Variants in COMMD9 observed in about 807,000 individuals in gnomAD.
COMMD9 encodes the protein COMM domain containing 9.
A neutral mutation model predicts 23.4 loss-of-function variants in COMMD9; 22 were observed. The observed-to-expected ratio is 0.94, with a 90% confidence interval of 0.67 to 1.34. The LOEUF (loss-of-function observed/expected upper bound fraction) is 1.34. COMMD9 is among the 40% of genes most tolerant of loss of function. The pLI, the probability that COMMD9 is intolerant of heterozygous loss-of-function variation, is 0.00. For missense variants in COMMD9, 231 were observed against 240.2 expected (o/e 0.96, Z 0.25); for synonymous variants, 99 against 97.4 (o/e 1.02, Z -0.10).
intron 2 of COMMD9, among the ~76,000 whole-genome samples, chr11:36,279,711 TG>T (rs1381102717): frequency 2.0e-5 from 3 of 152,216 alleles, no homozygotes; most frequent in Admixed American, 6.5e-5. Context: ...TAATCTACTT[TG>T]GGGGGGAACC....
intron 1 of COMMD9, among the ~76,000 whole-genome samples, chr11:36,284,782 T>G (rs1194915285): frequency 6.6e-6 from 1 of 152,214 alleles, no homozygotes; most frequent in African/African-American, 2.4e-5. Flanking sequence ...ATAATCCATA[T>G]GTCAAATGGG....
At chr11:36,284,679 A>ATG (rs1404609997) in intron 1 of COMMD9, among the ~76,000 whole-genome samples, 1 of 152,238 alleles carries the variant, frequency 6.6e-6, no homozygotes, top group Non-Finnish European at 1.5e-5. Flanking sequence ...AGTGTGTTCT[A>ATG]TGTGACCACA....
chr11:36,278,233 A>C (rs1011560271), intron 3 of COMMD9: 2 of 410,456 alleles, frequency 4.9e-6, no homozygotes, highest in Non-Finnish European at 8.7e-6. Context: ...GTAAAAACAA[A>C]AACAAAACAT....
chr11:36,276,448 TCA>T (rs772829272), intron 4 of COMMD9: 1 of 504,674 alleles, frequency 2.0e-6, no homozygotes, highest in Non-Finnish European at 3.5e-6. Flanking sequence ...TGGTACTAAT[TCA>T]CAGTGGCAGC....
intron 1 of COMMD9, 118 bp downstream of exon 1, chr11:36,289,244 G>T: frequency 1.1e-6 from 1 of 931,712 alleles, no homozygotes; most frequent in South Asian, 1.9e-5. Flanking sequence ...GGATCACACA[G>T]AGAACAAGCA....
At chr11:36,283,713 C>T (rs1369770644) in intron 1 of COMMD9, among the ~76,000 whole-genome samples, 2 of 152,116 alleles carry the variant, frequency 1.3e-5, no homozygotes, top group African/African-American at 4.8e-5. Context: ...AACGCCCTAA[C>T]ATACAAATAA....
At chr11:36,286,499 T>G (rs1384150934) in intron 1 of COMMD9, among the ~76,000 whole-genome samples, 1 of 150,718 alleles carries the variant, frequency 6.6e-6, no homozygotes, top group Non-Finnish European at 1.5e-5. Flanking sequence ...CTTGGTAGAC[T>G]GAGGCATGAG....
chr11:36,275,995 G>A (rs146881289), intron 5 of COMMD9, 142 bp downstream of exon 5: 130 of 629,550 alleles, frequency 2.1e-4, no homozygotes, highest in Non-Finnish European at 3.3e-4. Context: ...ACACATACAC[G>A]TTGTAACTAA....
intron 5 of COMMD9, 87 bp downstream of exon 5, chr11:36,276,050 T>C (rs1385772870): frequency 7.4e-6 from 7 of 941,312 alleles, no homozygotes; most frequent in African/African-American, 1.6e-5. Context: ...AATATATGGG[T>C]TAGAGATCCC....
At chr11:36,277,024 G>T in intron 4 of COMMD9, 65 bp downstream of exon 4, 2 of 1,409,232 alleles carry the variant, frequency 1.4e-6, no homozygotes, top group Non-Finnish European at 1.9e-6. Flanking sequence ...CTGATCACTT[G>T]GCAGACTGAG....
At chr11:36,282,086 T>C (rs1449463703) in intron 1 of COMMD9, among the ~76,000 whole-genome samples, 4 of 151,744 alleles carry the variant, frequency 2.6e-5, no homozygotes, top group Non-Finnish European at 5.9e-5. Flanking sequence ...GACAGAGAAG[T>C]AGAAATTACC....
chr11:36,277,426 G>GA (rs1263226270), intron 3 of COMMD9, among the ~76,000 whole-genome samples: 1 of 152,042 alleles, frequency 6.6e-6, no homozygotes, highest in Non-Finnish European at 1.5e-5. Flanking sequence ...AGACAAAACA[G>GA]AAAAAAAGGT....
chr11:36,279,994 T>C (rs1856038495), intron 2 of COMMD9, among the ~76,000 whole-genome samples: 1 of 152,100 alleles, frequency 6.6e-6, no homozygotes, highest in African/African-American at 2.4e-5. Flanking sequence ...CAGTCCCAGC[T>C]ACTCGTGGAG....
In COMMD9 at chr11:36,274,208, G is replaced by A. The variant is rs539326907; in HGVS notation, c.*424C>T. The stretch of plus-strand genomic sequence containing the variant: ...CAGGAACTGCTGGCATCACCTGTCC[G>A]ATTCCCTCCATGTGTTCTGGGATTG... On this transcript the variant is annotated 3_prime_UTR_variant, in exon 6 of 6. Transcript: ENST00000263401. The A allele has an allele frequency of 2.2e-5, 10 of 455,426 alleles. 1 individual carries two copies. Among genetic ancestry groups the A allele is most frequent in the East Asian group, 1.4e-4 (2 of 14,404 alleles). 28.2% of individuals were successfully genotyped at this position (455,426 alleles called of 1,614,324 possible).
intron 1 of COMMD9, among the ~76,000 whole-genome samples, chr11:36,285,791 C>T (rs11820100): frequency 0.04 from 6,157 of 152,140 alleles, 342 homozygotes; most frequent in East Asian, 0.17. Context: ...AAGAAAATCA[C>T]ATGATATAAA....
chr11:36,288,531 G>C (rs1450770905), intron 1 of COMMD9, among the ~76,000 whole-genome samples: 3 of 152,176 alleles, frequency 2.0e-5, no homozygotes, highest in Non-Finnish European at 2.9e-5. Flanking sequence ...GGCCAGGCGC[G>C]GTGGCTCACG....
In COMMD9 at chr11:36,280,813, G is replaced by A; in HGVS notation, c.76C>T (p.Gln26Ter). The change falls in exon 2 of 6, where the codon CAG (glutamine) becomes TAG (stop). Residue 26 changes from glutamine to a stop codon, truncating the protein, a stop_gained. Coordinates refer to ENST00000263401, the MANE Select transcript of COMMD9 (RefSeq NM_014186.4). LOFTEE classifies it high-confidence loss of function. ...CTGGAAAAGCTTTCTTGACACAGCT[G>A]TCTGACAACATCTTTCGAGGAGGCC... is the stretch of plus-strand genomic sequence containing the variant. The part of the protein sequence containing the change: ...LKASSKDVVR[Q>*]LCQESFSSSA... The A allele has an allele frequency of 1.3e-6, 2 of 1,598,180 alleles. No individual in the cohort carries two copies. The highest frequency in any genetic ancestry group is 1.7e-4 in the Middle Eastern group (1 of 5,990).
Position 36,273,536 on chromosome 11 carries a change from C to G in COMMD9, c.*1096G>C, listed in dbSNP as rs1855913544. The G allele has an allele frequency of 6.6e-6, 1 of 152,262 alleles. No homozygotes were observed. The highest frequency in any genetic ancestry group is 1.5e-5 in the Non-Finnish European group (1 of 68,094). 9.4% of individuals were successfully genotyped at this position (152,262 alleles called of 1,614,324 possible). ...CTTCTCTGTCACCCAGACTGGAGTG[C>G]AGTGGCACGATCTCGGCTCACTGCA... On this transcript the variant is annotated 3_prime_UTR_variant, in exon 6 of 6. Coordinates refer to ENST00000263401, the MANE Select transcript of COMMD9 (RefSeq NM_014186.4).
intron 2 of COMMD9, 46 bp downstream of exon 2, chr11:36,280,666 C>T: frequency 2.0e-6 from 3 of 1,518,074 alleles, no homozygotes; most frequent in Non-Finnish European, 2.7e-6. Flanking sequence ...AAGAAAGAGA[C>T]TAATAAGAGG....
Sources: gnomAD v4.1 joint callset for allele counts (sites outside exome capture counted in the v4.1 genomes callset) on GRCh38, gnomAD v4.1.1 for gene constraint, MANE v1.5 for transcripts, NCBI Gene and HGNC (gene_info 2026-07-23, HGNC 2026-07-21) for gene names.